Variants in ART1 observed in about 807,000 individuals in gnomAD.
The protein encoded by ART1 is GPI-linked NAD(P)(+)--arginine ADP-ribosyltransferase 1.
Under a neutral mutation model 27.0 loss-of-function variants are expected in ART1, and 29 were observed. The ratio of observed to expected loss-of-function variants is 1.08; its 90% CI spans 0.80 to 1.47. ART1 has a LOEUF of 1.47. Ranked by LOEUF, ART1 falls within the 40% of genes most tolerant of loss-of-function variation. ART1 has a pLI of 0.00. For missense variants in ART1, 480 were observed against 423.0 expected (o/e 1.13, Z -1.18); for synonymous variants, 201 against 172.2 (o/e 1.17, Z -1.31).
At chr11:3,659,460 C>T in intron 2 of ART1, 123 bp from the exon 3 acceptor site, 1 of 1,370,856 alleles carries the variant, frequency 7.3e-7, no homozygotes, top group Non-Finnish European at 9.9e-7. Context: ...TCCCAATCCC[C>T]TTCCCCACCA....
chr11:3,661,603 T>G (rs1008014818), intron 4 of ART1, among the ~76,000 whole-genome samples, 190 bp downstream of exon 4: 1 of 149,542 alleles, frequency 6.7e-6, no homozygotes, highest in Non-Finnish European at 1.5e-5. Flanking sequence ...CAAGCCATTC[T>G]CCTGCCTCAG....
chr11:3,661,663 AT>A (rs1194135895), intron 4 of ART1, among the ~76,000 whole-genome samples: 9 of 151,946 alleles, frequency 5.9e-5, no homozygotes, highest in African/African-American at 2.2e-4. Context: ...AGCCCGGCTA[AT>A]TTTTTGTATT....
In ART1 at chr11:3,659,925, C is replaced by A. The variant is rs371356884; in HGVS notation, c.406C>A (p.Arg136Ser). Residue 136 changes from arginine (R) to serine (S), a missense_variant, in exon 3 of 5, where the codon CGT becomes AGT. By Grantham distance (110) the Arg-to-Ser change is moderately radical. Transcript: ENST00000250693. Reference protein sequence around the residue: ...PLHKEFNAAVREAGRSRAHYL... With the variant: ...PLHKEFNAAVSEAGRSRAHYL... ...GCACAAGGAGTTCAATGCAGCCGTGCGTGAGGCGGGCCGCTCCCGGGCCCA... is the reference window on the plus strand; with the variant it reads ...GCACAAGGAGTTCAATGCAGCCGTGAGTGAGGCGGGCCGCTCCCGGGCCCA... The A allele has an allele frequency of 2.5e-6, 4 of 1,612,994 alleles. No homozygotes were observed. Among genetic ancestry groups the A allele is most frequent in the African/African-American group, 2.7e-5 (2 of 74,938 alleles).
chr11:3,652,882 C>G (rs2077536091), intron 1 of ART1, among the ~76,000 whole-genome samples: 1 of 150,302 alleles, frequency 6.7e-6, no homozygotes, highest in Non-Finnish European at 1.5e-5. Context: ...TAGGCACTCT[C>G]TAATCAGATG....
At chr11:3,653,080 C>A (rs1022108604) in intron 1 of ART1, among the ~76,000 whole-genome samples, 3 of 148,418 alleles carry the variant, frequency 2.0e-5, no homozygotes, top group Non-Finnish European at 4.4e-5. Context: ...TAATCTCTCC[C>A]ACTCGAGGTT....
At chr11:3,660,772 C>G (rs1239462613) in intron 3 of ART1, among the ~76,000 whole-genome samples, 1 of 152,172 alleles carries the variant, frequency 6.6e-6, no homozygotes, top group Admixed American at 6.5e-5. Flanking sequence ...TTTCTGAGAA[C>G]AGTGCATTTA....
intron 1 of ART1, among the ~76,000 whole-genome samples, chr11:3,648,680 GAC>G (rs2077489253): frequency 6.6e-6 from 1 of 152,194 alleles, no homozygotes; most frequent in Admixed American, 6.5e-5. Flanking sequence ...TCATTGCAGG[GAC>G]ACCTCTCTGA....
intron 1 of ART1, among the ~76,000 whole-genome samples, chr11:3,657,801 A>G (rs2077586176): frequency 1.3e-5 from 2 of 152,216 alleles, no homozygotes; most frequent in Non-Finnish European, 2.9e-5. Context: ...AGAAGGATTT[A>G]TATACCTAAA....
chr11:3,652,848 T>C (rs1005651939), intron 1 of ART1, among the ~76,000 whole-genome samples: 1 of 150,896 alleles, frequency 6.6e-6, no homozygotes, highest in Non-Finnish European at 1.5e-5. Flanking sequence ...TAATCTTTGC[T>C]GGCAGGACTA....
At chr11:3,647,023 A>T (rs904340161) in intron 1 of ART1, among the ~76,000 whole-genome samples, 2 of 152,136 alleles carry the variant, frequency 1.3e-5, no homozygotes, top group African/African-American at 4.8e-5. Flanking sequence ...AACAAAACAA[A>T]ATAAAAATAA....
At chr11:3,646,615 A>G (rs889962275) in intron 1 of ART1, among the ~76,000 whole-genome samples, 1 of 152,098 alleles carries the variant, frequency 6.6e-6, no homozygotes, top group African/African-American at 2.4e-5. Flanking sequence ...GCTCCACCTG[A>G]CCTCTGGCTT....
intron 1 of ART1, among the ~76,000 whole-genome samples, chr11:3,648,298 C>T (rs145725702): frequency 0.033 from 5,075 of 152,274 alleles, 107 homozygotes; most frequent in Non-Finnish European, 0.049. Context: ...TTCACACGGA[C>T]GCGCATGAAA....
chr11:3,658,411 T>C (rs2077590899), intron 1 of ART1, among the ~76,000 whole-genome samples: 1 of 151,062 alleles, frequency 6.6e-6, no homozygotes, highest in South Asian at 2.1e-4. Context: ...CTGGACACCC[T>C]CTTCCTGGAA....
At chr11:3,656,645 G>C (rs1166138409) in intron 1 of ART1, among the ~76,000 whole-genome samples, 7 of 152,178 alleles carry the variant, frequency 4.6e-5, no homozygotes, top group Non-Finnish European at 1.5e-5. Flanking sequence ...GCCTCCCGGA[G>C]TTGTCCGGAT....
chr11:3,649,521 T>A (rs758319601), intron 1 of ART1, among the ~76,000 whole-genome samples: 14 of 152,204 alleles, frequency 9.2e-5, no homozygotes, highest in Non-Finnish European at 1.6e-4. Flanking sequence ...CAAGTGTCGC[T>A]GAGTCTTTCT....
chr11:3,664,016 C>T, intron 4 of ART1, 76 bp from the exon 5 acceptor site: 1 of 1,426,840 alleles, frequency 7.0e-7, no homozygotes, highest in South Asian at 1.2e-5. Flanking sequence ...CATGTCCCCA[C>T]TTTTGCTCCT....
Position 3,660,250 on chromosome 11 carries a change from C to T in ART1, c.731C>T (p.Pro244Leu). ...CCTGGAGAGGAAGAGGTGCTGATCC[C>T]CCCCTTTGAGACCTTCCAAGTGATC... ...FFPGEEEVLI[P>L]PFETFQVINA... The change falls in exon 3 of 5, where the codon CCC becomes CTC. Residue 244 changes from proline (P) to leucine (L), a missense_variant. Physicochemically the swap from Pro to Leu is moderately conservative, Grantham distance 98 (BLOSUM62 -3). Coordinates refer to ENST00000250693, the MANE Select transcript of ART1 (RefSeq NM_004314.3). 6.2e-7 allele frequency: 1 copy of T among 1,613,580 alleles called. No homozygotes were observed. The highest frequency in any genetic ancestry group is 8.5e-7 in the Non-Finnish European group (1 of 1,180,042).
intron 4 of ART1, 90 bp from the exon 5 acceptor site, chr11:3,664,002 T>G (rs2077641878): frequency 1.7e-6 from 2 of 1,210,746 alleles, no homozygotes; most frequent in African/African-American, 3.0e-5. Flanking sequence ...CCACCTTGTA[T>G]CTGCATGTCC....
chr11:3,664,400 T>G lies in ART1; in HGVS notation c.*211T>G. 1 of 542,998 alleles carries G rather than the reference T, an allele frequency of 1.8e-6. No homozygotes were observed. The highest frequency in any genetic ancestry group is 3.3e-6 in the Non-Finnish European group (1 of 304,162). The allele number at this position is 542,998 out of a possible 1,614,324, so 33.6% of individuals were successfully genotyped here. On this transcript the variant is annotated 3_prime_UTR_variant, in exon 5 of 5. Transcript: ENST00000250693. Reference sequence around the variant, plus strand: ...AGGGCTGTAGGAGTGAGACTCTGAATAAAGGGTTGGGCCGGCGGTGTGGCA... The same window carrying G: ...AGGGCTGTAGGAGTGAGACTCTGAAGAAAGGGTTGGGCCGGCGGTGTGGCA...
Sources: gnomAD v4.1 joint callset for allele counts (sites outside exome capture counted in the v4.1 genomes callset) on GRCh38, gnomAD v4.1.1 for gene constraint, MANE v1.5 for transcripts, NCBI Gene and HGNC (gene_info 2026-07-23, HGNC 2026-07-21) for gene names.